The following FBXL16 variants were observed in gnomAD, a reference collection of about 807,000 sequenced individuals.
The protein encoded by FBXL16 is F-box/LRR-repeat protein 16.
FBXL16 carries 7 observed loss-of-function variants against 36.7 expected under a neutral mutation model. The observed-to-expected ratio is 0.19, with a 90% confidence interval of 0.11 to 0.36. The LOEUF (loss-of-function observed/expected upper bound fraction) is 0.36, where lower values mean the gene tolerates loss of function less well. FBXL16 is among the 10% of genes least tolerant of loss of function. The pLI is 1.00. For missense variants in FBXL16, 463 were observed against 659.4 expected, an observed-to-expected ratio of 0.70 and a Z score of 3.26; for synonymous variants, 355 against 308.7, an observed-to-expected ratio of 1.15 and a Z score of -1.57.
chr16:696,343 C>T (rs914232559), intron 2 of FBXL16, among the ~76,000 whole-genome samples: 5 of 152,136 alleles, frequency 3.3e-5, no homozygotes, highest in Admixed American at 6.5e-5. Flanking sequence ...TCACTGTACC[C>T]CCCGCCTCCC....
Position 693,680 on chromosome 16 carries a change from G to C in FBXL16, c.*595C>G, listed in dbSNP as rs1171060267. 2 of 153,814 alleles carry C rather than the reference G, an allele frequency of 1.3e-5. No homozygotes were observed. Among genetic ancestry groups the C allele is most frequent in the South Asian group, 4.1e-4 (2 of 4,888 alleles). The allele number at this position is 153,814 out of a possible 1,614,324, so 9.5% of individuals were successfully genotyped here. ...AGGTGCGGGTGGGGCCTGGGCTCTC[G>C]GCGGCGGGCCATGGCTTTGGCGGTG... On this transcript the variant is annotated 3_prime_UTR_variant, in exon 6 of 6. Transcript: ENST00000397621.
intron 1 of FBXL16, among the ~76,000 whole-genome samples, chr16:699,709 A>C (rs2040041764): frequency 6.6e-6 from 1 of 152,150 alleles, no homozygotes; most frequent in African/African-American, 2.4e-5. Flanking sequence ...CTGGAGCCTC[A>C]TGCAGGTCCT....
chr16:695,772 G>A lies in FBXL16; in HGVS notation c.785C>T (p.Ala262Val). 1 of 1,605,064 alleles carries A rather than the reference G, an allele frequency of 6.2e-7. No individual in the cohort carries two copies. The highest frequency in any genetic ancestry group is 8.5e-7 in the Non-Finnish European group (1 of 1,178,128). Residue 262 changes from alanine to valine, a missense_variant, in exon 3 of 6, where the codon GCC becomes GTC. Coordinates refer to ENST00000397621, the MANE Select transcript of FBXL16 (RefSeq NM_153350.4). ...CINVADDAIAAISQLLPNLAE... is the reference protein window; with the variant it reads ...CINVADDAIAVISQLLPNLAE... The stretch of plus-strand genomic sequence containing the variant: ...CAGGTTGGGCAGCAGCTGCGAGATG[G>A]CCGCGATGGCGTCGTCGGCCACGTT...
In FBXL16 at chr16:693,124, G is replaced by A. The variant is rs1380634122; in HGVS notation, c.*1151C>T. ...CAAATGTCTCGGGCCGACAGAGCAC[G>A]GTCAGAGCCCATTTGGGCAGACAGA... On this transcript the variant is annotated 3_prime_UTR_variant, in exon 6 of 6. Transcript: ENST00000397621. 1.3e-5 allele frequency: 2 copies of A among 151,838 alleles called. No individual in the cohort carries two copies. The highest frequency in any genetic ancestry group is 1.9e-4 in the East Asian group (1 of 5,164). The allele number at this position is 151,838 out of a possible 1,614,324, so 9.4% of individuals were successfully genotyped here.
Position 693,560 on chromosome 16 carries a change from A to G in FBXL16, c.*715T>C, listed in dbSNP as rs534699730. 5 of 152,850 alleles carry G rather than the reference A, an allele frequency of 3.3e-5. No homozygotes were observed. Among genetic ancestry groups the G allele is most frequent in the Admixed American group, 2.0e-4 (3 of 15,308 alleles). The allele number at this position is 152,850 out of a possible 1,614,324, so 9.5% of individuals were successfully genotyped here. ...CCTGCCCAATTCTCTCAGCCTGGCCAGGGACCAAGGCCGGGTTTTGGGGCG... is the reference window on the plus strand; with the variant it reads ...CCTGCCCAATTCTCTCAGCCTGGCCGGGGACCAAGGCCGGGTTTTGGGGCG... On this transcript the variant is annotated 3_prime_UTR_variant, in exon 6 of 6. Transcript: ENST00000397621.
chr16:703,303 G>A (rs563089739), intron 1 of FBXL16, among the ~76,000 whole-genome samples: 245 of 152,284 alleles, frequency 1.6e-3, no homozygotes, highest in African/African-American at 5.6e-3. Context: ...CACATGCCTG[G>A]GAAACCTCCT....
chr16:696,703 C>G (rs2040014175), intron 2 of FBXL16, 70 bp downstream of exon 2: 7 of 1,396,974 alleles, frequency 5.0e-6, no homozygotes, highest in South Asian at 3.4e-5. Context: ...ACCATCCGCT[C>G]CCACCTCCAT....
intron 3 of FBXL16, 160 bp from the exon 4 acceptor site, chr16:695,236 C>G: frequency 8.6e-7 from 1 of 1,158,940 alleles, no homozygotes; most frequent in Non-Finnish European, 1.2e-6. Context: ...GGGGGTCCAG[C>G]CAACCCGTGC....
intron 3 of FBXL16, 127 bp from the exon 4 acceptor site, chr16:695,203 C>G (rs1436521070): frequency 1.7e-6 from 2 of 1,185,258 alleles, no homozygotes; most frequent in Middle Eastern, 2.0e-4. Context: ...GGCCCCTCCT[C>G]GCTCCCACCC....
chr16:695,969 G>C, intron 2 of FBXL16, 46 bp from the exon 3 acceptor site: 1 of 1,538,392 alleles, frequency 6.5e-7, no homozygotes, highest in Non-Finnish European at 8.8e-7. Context: ...AGAAGGGGTG[G>C]AGCCCGCAGG....
At chr16:695,957 G>A (rs748586575) in intron 2 of FBXL16, 34 bp from the exon 3 acceptor site, 18 of 1,550,008 alleles carry the variant, frequency 1.2e-5, no homozygotes, top group Non-Finnish European at 1.6e-5. Context: ...CAGGATTGCA[G>A]GAGAAGGGGT....
At position 695,451 on chromosome 16, in the gene FBXL16, C is replaced by G; in HGVS notation, c.1106G>C (p.Cys369Ser). Residue 369 changes from cysteine (C) to serine (S), a missense_variant, in exon 3 of 6, where the codon TGC becomes TCC. Cys to Ser is a moderately radical substitution (Grantham distance 112, BLOSUM62 -1). Around this residue, in one of 3 missense-constraint regions of FBXL16, gnomAD observed 134 missense variants for 172.0 expected, o/e 0.78. Transcript: ENST00000397621. ...GAGCTCCTCTAGGCGGTGCAGGTCG[C>G]AGGCCACGTACTCCAGCGCCATGTC... ...ITDMALEYVA[C>S]DLHRLEELVL... is the part of the protein sequence containing the mutation. 2 of 1,557,328 alleles carry G rather than the reference C, an allele frequency of 1.3e-6. No homozygotes were observed. Among genetic ancestry groups the G allele is most frequent in the Non-Finnish European group, 1.7e-6 (2 of 1,158,570 alleles).
chr16:694,252 G>A lies in FBXL16; in HGVS notation c.*23C>T, dbSNP rs1429514616. 1.1e-5 allele frequency: 14 copies of A among 1,326,634 alleles called. No individual in the cohort carries two copies. Among genetic ancestry groups the A allele is most frequent in the Non-Finnish European group, 1.4e-5 (14 of 1,034,790 alleles). 82.2% of individuals were successfully genotyped at this position (1,326,634 alleles called of 1,614,324 possible). ...CCGCCCAGGTCATGGCCGGGTTCCC[G>A]CGACCGGGGCGGGGGCCTCGCGCTA... is the stretch of plus-strand genomic sequence containing the variant. On this transcript the variant is annotated 3_prime_UTR_variant, in exon 6 of 6. Coordinates refer to ENST00000397621, the MANE Select transcript of FBXL16 (RefSeq NM_153350.4).
intron 1 of FBXL16, among the ~76,000 whole-genome samples, chr16:705,056 G>T (rs1176168176): frequency 6.6e-6 from 1 of 152,176 alleles, no homozygotes; most frequent in African/African-American, 2.4e-5. Context: ...GTAGCTCAGC[G>T]CAGGCCCCGG....
chr16:705,455 C>T (rs1470934574), intron 1 of FBXL16, 57 bp downstream of exon 1: 1 of 149,518 alleles, frequency 6.7e-6, no homozygotes, highest in Non-Finnish European at 1.5e-5. Flanking sequence ...GTGGCCGCCG[C>T]GGAGGTGCGG....
Position 692,880 on chromosome 16 carries a change from C to G in FBXL16, c.*1395G>C, listed in dbSNP as rs2039980848. The G allele has an allele frequency of 6.6e-6, 1 of 152,336 alleles. No homozygotes were observed. Among genetic ancestry groups the G allele is most frequent in the Non-Finnish European group, 1.5e-5 (1 of 68,016 alleles). The allele number at this position is 152,336 out of a possible 1,614,324, so 9.4% of individuals were successfully genotyped here. The stretch of plus-strand genomic sequence containing the variant: ...TTGGGCTGTTGATCTGTTTCTGATT[C>G]AACAGCATCTCTCTCTCTCTTTCTC... On this transcript the variant is annotated 3_prime_UTR_variant, in exon 6 of 6. Transcript: ENST00000397621.
chr16:695,342 C>G, intron 3 of FBXL16, 73 bp downstream of exon 3: 1 of 1,068,640 alleles, frequency 9.4e-7, no homozygotes, highest in Non-Finnish European at 1.1e-6. Context: ...CGGCCCCGTG[C>G]AGCCCCGCCC....
Position 697,556 on chromosome 16 carries a change from G to C in FBXL16, c.-14-137C>G. On this transcript the variant is annotated intron_variant, in intron 1 of 5. Transcript: ENST00000397621. The surrounding 1 kb of genome is among the most constrained non-coding windows in gnomAD (Gnocchi z 4.6). ...CCAGAACCACCAGACAGAGAGGATG[G>C]GAGTGCCTGCTTCTCCCTCCCAGAC... The C allele has an allele frequency of 2.6e-6, 3 of 1,161,628 alleles. No homozygotes were observed. The highest frequency in any genetic ancestry group is 3.5e-6 in the Non-Finnish European group (3 of 859,160). The allele number at this position is 1,161,628 out of a possible 1,614,324, so 72.0% of individuals were successfully genotyped here. A position where few individuals can be genotyped will look rare whatever the true frequency, so the allele number is the denominator to read the frequency against.
chr16:695,028 C>G lies in FBXL16; in HGVS notation c.1191G>C (p.Ser397=), dbSNP rs575005294. The G allele has an allele frequency of 7.6e-6, 12 of 1,576,708 alleles. No homozygotes were observed. The African/African-American group carries it at 1.5e-4, about 19-fold the overall frequency. ...DTGLSYLSTM[S]SLRSLYLRWC... is the part of the protein sequence containing the mutation. ...ATCGCAGGTAGAGGCTGCGGAGGGA[C>G]GACATGGTGGACAGATAGCTGAGGC... The change falls in exon 4 of 6, where the codon TCG becomes TCC. Residue 397 remains serine, a synonymous_variant. Coordinates refer to ENST00000397621, the MANE Select transcript of FBXL16 (RefSeq NM_153350.4).
Sources: allele counts gnomAD v4.1 joint callset (sites outside exome capture counted in the v4.1 genomes callset), GRCh38; gene constraint gnomAD v4.1.1; regional missense constraint gnomAD v4.1.1; non-coding constraint Gnocchi (gnomAD v3.1); transcripts MANE v1.5; gene names NCBI Gene and HGNC (gene_info 2026-07-23, HGNC 2026-07-21).